STXBP5L: variants seen among roughly 807,000 people sequenced by gnomAD.
STXBP5L encodes the protein syntaxin binding protein 5L.
STXBP5L carries 65 observed loss-of-function variants against 144.5 expected under a neutral mutation model. The observed-to-expected ratio is 0.45, with a 90% CI of 0.37 to 0.55. The LOEUF (loss-of-function observed/expected upper bound fraction) is 0.55, where lower values mean the gene tolerates loss of function less well. Ranked by LOEUF, STXBP5L falls within the 20% of genes least tolerant of loss-of-function variation. The pLI, the probability that STXBP5L is intolerant of heterozygous loss-of-function variation, is 0.00. For missense variants in STXBP5L, 1,298 were observed against 1,405.5 expected, an observed-to-expected ratio of 0.92 and a Z score of 1.22; for synonymous variants, 505 against 469.6, an observed-to-expected ratio of 1.08 and a Z score of -0.97.
chr3:121,322,659 A>G (rs1398544114), intron 20 of STXBP5L, among the ~76,000 whole-genome samples: 2 of 87,500 alleles, frequency 2.3e-5, no homozygotes, highest in African/African-American at 4.7e-5. Context: ...TGGTAGAACT[A>G]TTTCTTTTTG....
chr3:121,152,406 A>T, intron 7 of STXBP5L, 71 bp from the exon 8 acceptor site: 2 of 1,154,610 alleles, frequency 1.7e-6, no homozygotes, highest in Non-Finnish European at 2.5e-6. Flanking sequence ...CTTTATTAAC[A>T]TTAAACTTTA....
At chr3:121,069,726 G>T (rs1275412696) in intron 5 of STXBP5L, among the ~76,000 whole-genome samples, 2 of 151,384 alleles carry the variant, frequency 1.3e-5, no homozygotes, top group African/African-American at 2.4e-5. Flanking sequence ...AGTTTTTATG[G>T]TTTTACATTT....
At chr3:121,053,376 A>T (rs1343588397) in intron 5 of STXBP5L, among the ~76,000 whole-genome samples, 1 of 152,200 alleles carries the variant, frequency 6.6e-6, no homozygotes, top group Non-Finnish European at 1.5e-5. Flanking sequence ...ACAGCATGGT[A>T]CTGGTACCAA....
intron 2 of STXBP5L, among the ~76,000 whole-genome samples, chr3:120,947,513 G>A (rs1057159570): frequency 6.6e-6 from 1 of 151,736 alleles, no homozygotes; most frequent in African/African-American, 2.4e-5. Context: ...GTACATTTCA[G>A]TGGTGTTTGG....
At chr3:121,194,366 CTATT>C (rs1559850359) in intron 9 of STXBP5L, among the ~76,000 whole-genome samples, 2 of 151,904 alleles carry the variant, frequency 1.3e-5, no homozygotes, top group African/African-American at 4.8e-5. Flanking sequence ...TACTTTATTC[CTATT>C]TATTGGTGAA....
At chr3:121,273,524 A>G (rs1232758810) in intron 18 of STXBP5L, among the ~76,000 whole-genome samples, 1 of 152,054 alleles carries the variant, frequency 6.6e-6, no homozygotes. Flanking sequence ...TTTGAACTTC[A>G]TAAATCTGGA....
intron 3 of STXBP5L, among the ~76,000 whole-genome samples, chr3:120,980,811 T>C (rs567710736): frequency 4.3e-4 from 65 of 152,308 alleles, no homozygotes; most frequent in African/African-American, 1.6e-3. Context: ...CTATAAGTTT[T>C]TTATATTCCT....
chr3:121,099,903 G>C (rs761849914), intron 5 of STXBP5L: 2 of 152,068 alleles, frequency 1.3e-5, no homozygotes, highest in African/African-American at 4.8e-5. Context: ...GGAAAGGGTT[G>C]GAGAAATATC....
At chr3:121,080,391 T>A (rs1289673313) in intron 5 of STXBP5L, among the ~76,000 whole-genome samples, 1 of 152,168 alleles carries the variant, frequency 6.6e-6, no homozygotes, top group Non-Finnish European at 1.5e-5. Context: ...CTTTGTTTTT[T>A]TTTAAATTGT....
intron 3 of STXBP5L, among the ~76,000 whole-genome samples, chr3:121,004,241 A>C (rs1944057843): frequency 6.6e-6 from 1 of 151,750 alleles, no homozygotes; most frequent in Non-Finnish European, 1.5e-5. Context: ...AGTGGTTTGT[A>C]GCTCTCCTTG....
At chr3:120,971,638 T>C (rs1001796636) in intron 3 of STXBP5L, among the ~76,000 whole-genome samples, 18 of 146,390 alleles carry the variant, frequency 1.2e-4, no homozygotes, top group Admixed American at 3.4e-4. Flanking sequence ...CATGCATACA[T>C]ACACACACAC....
In STXBP5L at chr3:121,325,999, TA is replaced by T. The variant is rs553855742; in HGVS notation, c.2176+7472del. ...TTATTTGGCCTCCTATTATGTCTAC[TA>T]AAAAAAAAAAAAGTGGGTTGAAAAA... On this transcript the variant is annotated intron_variant, in intron 20 of 26. Coordinates refer to ENST00000471454, the MANE Select transcript of STXBP5L (RefSeq NM_001308330.2). Among the ~76,000 whole-genome samples, 367 of 137,684 alleles carry T rather than the reference TA, an allele frequency of 2.7e-3. 1 individual carries two copies. The highest frequency in any genetic ancestry group is 4.7e-3 in the African/African-American group (177 of 37,508). The allele number at this position is 137,684 out of a possible 152,430, so 90.3% of individuals were successfully genotyped here. A position where few individuals can be genotyped will look rare whatever the true frequency, so the allele number is the denominator to read the frequency against.
intron 6 of STXBP5L, among the ~76,000 whole-genome samples, chr3:121,118,904 G>A (rs1023519333): frequency 1.3e-5 from 2 of 151,454 alleles, no homozygotes; most frequent in African/African-American, 4.8e-5. Context: ...CCATTGAATT[G>A]TATGTGTTTA....
In STXBP5L at chr3:121,381,477, C is replaced by T. The variant is rs759964161; in HGVS notation, c.2532C>T (p.Asn844=). ...GAATGGTGTTAATCATCTCCTTAAACCTACCATTAGCAGATGAACAAAGGT... is the reference window on the plus strand; with the variant it reads ...GAATGGTGTTAATCATCTCCTTAAATCTACCATTAGCAGATGAACAAAGGT... The part of the protein sequence containing the change: ...SLGMVLIISL[N]LPLADEQRFT... Residue 844 remains asparagine, a synonymous_variant, in exon 22 of 27, where the codon AAC becomes AAT. Coordinates refer to ENST00000471454, the MANE Select transcript of STXBP5L (RefSeq NM_001308330.2). The T allele has an allele frequency of 6.3e-7, 1 of 1,597,312 alleles. No individual in the cohort carries two copies. The highest frequency in any genetic ancestry group is 1.1e-5 in the South Asian group (1 of 87,460).
intron 3 of STXBP5L, among the ~76,000 whole-genome samples, chr3:121,027,964 G>T (rs1946071569): frequency 1.3e-5 from 2 of 151,794 alleles, no homozygotes; most frequent in African/African-American, 2.4e-5. Flanking sequence ...AACTTTTTGA[G>T]TACTCTGTAA....
At chr3:121,398,029 C>A (rs1045957845) in intron 22 of STXBP5L, among the ~76,000 whole-genome samples, 5 of 152,186 alleles carry the variant, frequency 3.3e-5, no homozygotes, top group African/African-American at 1.2e-4. Context: ...CAATAAGCAG[C>A]TTTGCCTTGT....
chr3:121,173,840 A>C (rs2046827621), intron 9 of STXBP5L, among the ~76,000 whole-genome samples: 1 of 152,046 alleles, frequency 6.6e-6, no homozygotes, highest in South Asian at 2.1e-4. Context: ...GTTTTTTCTC[A>C]TAATGTCATG....
chr3:120,989,155 G>T (rs536464176), intron 3 of STXBP5L, among the ~76,000 whole-genome samples: 2 of 152,050 alleles, frequency 1.3e-5, no homozygotes, highest in Non-Finnish European at 2.9e-5. Context: ...TTGATACAAT[G>T]ATTTCTCTTC....
At chr3:121,158,211 G>C (rs1362049221) in intron 9 of STXBP5L, 1 of 152,144 alleles carries the variant, frequency 6.6e-6, no homozygotes, top group Admixed American at 6.5e-5. Context: ...GGAAGAATAA[G>C]CAATTCAAAT....
Sources: allele counts gnomAD v4.1 joint callset (sites outside exome capture counted in the v4.1 genomes callset), GRCh38; gene constraint gnomAD v4.1.1; transcripts MANE v1.5; gene names NCBI Gene and HGNC (gene_info 2026-07-23, HGNC 2026-07-21).